Variants in HELQ observed in about 807,000 individuals in gnomAD.
HELQ encodes helicase, POLQ like, also known as helicase POLQ-like.
HELQ carries 77 observed loss-of-function variants against 111.6 expected under a neutral mutation model. That is an observed-to-expected ratio of 0.69 (90% CI 0.57 to 0.83). The LOEUF is 0.83. Among genes scored for constraint, HELQ ranks in the 40% least tolerant of loss-of-function variants. The probability of loss-of-function intolerance (pLI) is 0.00; values close to 1 mark genes in which losing one functional copy is unlikely to be tolerated. For synonymous variants in HELQ, 438 were observed against 454.7 expected (o/e 0.96, Z 0.47); for missense variants, 1,200 against 1,288.5 (o/e 0.93, Z 1.05).
chr4:83,412,970 T>A (rs143378982), intron 17 of HELQ, among the ~76,000 whole-genome samples: 1 of 152,224 alleles, frequency 6.6e-6, no homozygotes, highest in Non-Finnish European at 1.5e-5. Flanking sequence ...TAATAAATCA[T>A]ACCCTTTCTG....
chr4:83,441,171 T>C (rs149925661), intron 7 of HELQ, 134 bp downstream of exon 7: 1 of 626,846 alleles, frequency 1.6e-6, no homozygotes, highest in Admixed American at 3.4e-5. Context: ...GCAGTCTGCA[T>C]GGTGTCCAAC....
intron 17 of HELQ, among the ~76,000 whole-genome samples, chr4:83,415,236 G>A (rs996826926): frequency 6.6e-6 from 1 of 152,180 alleles, no homozygotes; most frequent in Non-Finnish European, 1.5e-5. Context: ...AGGGTAACTA[G>A]GACAGTGAAT....
At chr4:83,455,881 C>G (rs1398335476), upstream of HELQ, 1 of 763,922 alleles carries the variant, frequency 1.3e-6, no homozygotes, top group African/African-American at 1.7e-5. Context: ...ATAAGCCTCA[C>G]GTGACCTGCC....
intron 4 of HELQ, 52 bp downstream of exon 4, chr4:83,446,783 T>C: frequency 9.1e-7 from 1 of 1,100,562 alleles, no homozygotes; most frequent in South Asian, 1.4e-5. Flanking sequence ...ACCAGAATAA[T>C]AAATATTTAG....
intron 2 of HELQ, among the ~76,000 whole-genome samples, 181 bp from the exon 3 acceptor site, chr4:83,449,142 G>A (rs926488889): frequency 3.3e-5 from 5 of 152,202 alleles, no homozygotes; most frequent in African/African-American, 1.2e-4. Context: ...GCCAGTGAGA[G>A]CCTAGTTCAG....
chr4:83,450,678 A>G (rs1721314138), intron 2 of HELQ, among the ~76,000 whole-genome samples: 1 of 152,002 alleles, frequency 6.6e-6, no homozygotes, highest in African/African-American at 2.4e-5. Flanking sequence ...AAAAAAAAAA[A>G]AAACTAGCCG....
chr4:83,439,243 T>C (rs964393032), intron 8 of HELQ, among the ~76,000 whole-genome samples: 1 of 151,018 alleles, frequency 6.6e-6, no homozygotes, highest in Non-Finnish European at 1.5e-5. Flanking sequence ...AATTTGGTAT[T>C]TTCAGTAGAG....
At chr4:83,445,336 T>C (rs1471366942) in intron 5 of HELQ, among the ~76,000 whole-genome samples, 2 of 152,234 alleles carry the variant, frequency 1.3e-5, no homozygotes, top group Non-Finnish European at 2.9e-5. Flanking sequence ...TCAATATTTT[T>C]TTGAATGAAC....
intron 12 of HELQ, 75 bp from the exon 13 acceptor site, chr4:83,427,795 GA>G (rs1349893334): frequency 1.8e-6 from 2 of 1,090,430 alleles, no homozygotes; most frequent in African/African-American, 3.3e-5. Flanking sequence ...ATATTGTGTA[GA>G]AATTGCTTAA....
intron 3 of HELQ, 73 bp downstream of exon 3, chr4:83,448,710 T>TATCA: frequency 7.9e-7 from 1 of 1,259,554 alleles, no homozygotes; most frequent in Non-Finnish European, 1.1e-6. Flanking sequence ...AATACAAAGT[T>TATCA]ATCACATTTA....
intron 2 of HELQ, among the ~76,000 whole-genome samples, chr4:83,452,345 A>C (rs899869403): frequency 2.0e-5 from 3 of 152,076 alleles, no homozygotes; most frequent in Non-Finnish European, 4.4e-5. Flanking sequence ...CAAGGAAGCC[A>C]AAAGATTGGA....
At chr4:83,428,832 T>C (rs1578080527) in intron 12 of HELQ, among the ~76,000 whole-genome samples, 1 of 150,844 alleles carries the variant, frequency 6.6e-6, no homozygotes, top group Non-Finnish European at 1.5e-5. Flanking sequence ...CAGAATAATA[T>C]AAATGATTAT....
intron 9 of HELQ, among the ~76,000 whole-genome samples, 194 bp from the exon 10 acceptor site, chr4:83,432,461 TTATAA>T (rs1366754217): frequency 7.9e-5 from 12 of 152,160 alleles, no homozygotes; most frequent in Non-Finnish European, 1.6e-4. Context: ...AAACTCTTAG[TTATAA>T]TATACTTTTT....
chr4:83,455,664 C>A lies in HELQ; in HGVS notation c.30G>T (p.Arg10=). 6.2e-7 allele frequency: 1 copy of A among 1,611,064 alleles called. No homozygotes were observed. The highest frequency in any genetic ancestry group is 1.1e-5 in the South Asian group (1 of 91,076). The change falls in exon 1 of 18, where the codon CGG becomes CGT. Residue 10 remains arginine, a synonymous_variant. Transcript: ENST00000295488. The part of the protein sequence containing the change: MDECGSRIR[R]RVSLPKRNRP... ...GGTTCCTTTTGGGGAGAGACACCCG[C>A]CGGCGGATGCGGGAACCACATTCAT... is the stretch of plus-strand genomic sequence containing the variant.
In HELQ at chr4:83,455,682, A is replaced by G. The variant is rs1721748528; in HGVS notation, c.12T>C (p.Cys4=). 1 of 1,607,538 alleles carries G rather than the reference A, an allele frequency of 6.2e-7. No homozygotes were observed. The highest frequency in any genetic ancestry group is 8.5e-7 in the Non-Finnish European group (1 of 1,179,820). ...ACACCCGCCGGCGGATGCGGGAACC[A>G]CATTCATCCATGGCAAGGACCCAGG... The part of the protein sequence containing the change: MDE[C]GSRIRRRVSL... Residue 4 remains cysteine (C), a synonymous_variant, in exon 1 of 18, where the codon TGT becomes TGC. Transcript: ENST00000295488.
intron 17 of HELQ, among the ~76,000 whole-genome samples, chr4:83,415,421 CTCAGTA>C (rs1353283404): frequency 6.6e-6 from 1 of 152,086 alleles, no homozygotes; most frequent in Non-Finnish European, 1.5e-5. Context: ...AAAATTTAGC[CTCAGTA>C]TATCAGGATA....
chr4:83,420,231 C>T (rs1009038985), intron 15 of HELQ, among the ~76,000 whole-genome samples: 8 of 152,202 alleles, frequency 5.3e-5, no homozygotes, highest in Non-Finnish European at 7.3e-5. Context: ...ATGCATATGA[C>T]CAGTATAAGG....
At position 83,436,972 on chromosome 4, in the gene HELQ, C is replaced by T. The variant is rs138091807; in HGVS notation, c.1934G>A (p.Ser645Asn). 7.5e-5 allele frequency: 121 copies of T among 1,614,176 alleles called. No individual in the cohort carries two copies. The highest frequency in any genetic ancestry group is 1.6e-4 in the Middle Eastern group (1 of 6,062). Residue 645 changes from serine to asparagine, a missense_variant, in exon 9 of 18, where the codon AGT becomes AAT. This residue lies in a region of HELQ where 585 missense variants were observed against 665.3 expected (regional missense o/e 0.88). Transcript: ENST00000295488. ...TIPFGVAYHH[S>N]GLTSDERKLL... ...TTTCCTTTCATCACTTGTTAAGCCA[C>T]TGTGGTGATAGGCAACTCCAAATGG...
intron 9 of HELQ, among the ~76,000 whole-genome samples, chr4:83,434,798 G>A (rs934587416): frequency 2.6e-5 from 4 of 152,066 alleles, no homozygotes; most frequent in Admixed American, 2.0e-4. Context: ...TGGCACAAAC[G>A]TGTGCTTACA....
Sources: allele counts gnomAD v4.1 joint callset (sites outside exome capture counted in the v4.1 genomes callset), GRCh38; gene constraint gnomAD v4.1.1; regional missense constraint gnomAD v4.1.1; transcripts MANE v1.5; gene names NCBI Gene and HGNC (gene_info 2026-07-23, HGNC 2026-07-21).